DNM1: variants seen among roughly 807,000 people sequenced by gnomAD.
DNM1 encodes dynamin 1.
DNM1 carries 29 observed loss-of-function variants against 104.6 expected under a neutral mutation model. The ratio of observed to expected loss-of-function variants is 0.28; its 90% confidence interval spans 0.21 to 0.38. The LOEUF (loss-of-function observed/expected upper bound fraction) is 0.38. DNM1 is among the 10% of genes least tolerant of loss of function. DNM1 has a pLI of 1.00. For synonymous variants in DNM1, 445 were observed against 475.8 expected (o/e 0.94, Z 0.84); for missense variants, 640 against 1,189.4 (o/e 0.54, Z 6.79).
chr9:128,214,070 C>T (rs76546158), intron 1 of DNM1, among the ~76,000 whole-genome samples: 2,726 of 152,130 alleles, frequency 0.018, 80 homozygotes, highest in African/African-American at 0.063. Flanking sequence ...CCCCCCTTGC[C>T]TTCCACCTCC....
At chr9:128,237,605 T>A (rs1413775693) in intron 11 of DNM1, among the ~76,000 whole-genome samples, 1 of 152,008 alleles carries the variant, frequency 6.6e-6, no homozygotes, top group Non-Finnish European at 1.5e-5. Context: ...GGGTGCTTTC[T>A]TGTCTAGAGA....
intron 9 of DNM1, chr9:128,223,294 A>T (rs1835131869): frequency 5.8e-6 from 1 of 173,402 alleles, no homozygotes; most frequent in Admixed American, 5.8e-5. Context: ...ACAGTAGCCC[A>T]GAGTCAGTCC....
rs571899226 is a variant in DNM1, at chr9:128,230,456, AT to A, written c.1336-3554del. ...TTCTTTATTTATTTTTATTATTACT[AT>A]TTTTTTTTTTGAGATGGAGTTTCGC... On this transcript the variant is annotated intron_variant, in intron 10 of 21. Coordinates refer to ENST00000372923, the MANE Select transcript of DNM1 (RefSeq NM_004408.4). Among the ~76,000 whole-genome samples the A allele has an allele frequency of 6.5e-3, 920 of 140,894 alleles. 4 individuals carry two copies. Among genetic ancestry groups the A allele is most frequent in the African/African-American group, 0.02 (753 of 37,434 alleles). The allele number at this position is 140,894 out of a possible 152,430, so 92.4% of individuals were successfully genotyped here.
chr9:128,218,772 T>C lies in DNM1; in HGVS notation c.385+41T>C. 1 of 1,556,542 alleles carries C rather than the reference T, an allele frequency of 6.4e-7. No individual in the cohort carries two copies. The highest frequency in any genetic ancestry group is 1.9e-5 in the Admixed American group (1 of 52,638). ...CCGCCCTAACCTCTAAGAATCATTTTCTTGGCCACGCACCTCTGCGTGCCT... is the reference window on the plus strand; with the variant it reads ...CCGCCCTAACCTCTAAGAATCATTTCCTTGGCCACGCACCTCTGCGTGCCT... On this transcript the variant is annotated intron_variant, in intron 3 of 21. Transcript: ENST00000372923. The surrounding 1 kb of genome is among the most constrained non-coding windows in gnomAD (Gnocchi z 4.8).
chr9:128,208,378 C>G (rs1003049271), intron 1 of DNM1, among the ~76,000 whole-genome samples: 1 of 152,142 alleles, frequency 6.6e-6, no homozygotes, highest in African/African-American at 2.4e-5. Context: ...GCATTCTATC[C>G]CAGCATGGAC....
chr9:128,206,346 A>G (rs1235266751), intron 1 of DNM1, among the ~76,000 whole-genome samples: 1 of 152,002 alleles, frequency 6.6e-6, no homozygotes, highest in Non-Finnish European at 1.5e-5. Context: ...GGTCTATACT[A>G]TTTCTTCACC....
At chr9:128,219,287 C>A (rs770475275) in intron 4 of DNM1, 35 bp downstream of exon 4, 1 of 1,578,638 alleles carries the variant, frequency 6.3e-7, no homozygotes, top group South Asian at 1.1e-5. Flanking sequence ...GCACAAAACC[C>A]CAGGCTTGCA....
chr9:128,224,075 A>T lies in DNM1; in HGVS notation c.1197-176A>T. 2.8e-6 allele frequency: 2 copies of T among 726,792 alleles called. No individual in the cohort carries two copies. Among genetic ancestry groups the T allele is most frequent in the Non-Finnish European group, 4.2e-6 (2 of 477,934 alleles). The allele number at this position is 726,792 out of a possible 1,614,324, so 45.0% of individuals were successfully genotyped here. ...AAAAAAATAACAACAACAACAAAAA[A>T]CCCTTCATTAGAACCCCTCCCTCCC... On this transcript the variant is annotated intron_variant, in intron 9 of 21. Coordinates refer to ENST00000372923, the MANE Select transcript of DNM1 (RefSeq NM_004408.4). The surrounding 1 kb of genome is among the most constrained non-coding windows in gnomAD (Gnocchi z 4.3).
At chr9:128,226,154 T>C in intron 10 of DNM1, 1 of 1,612,824 alleles carries the variant, frequency 6.2e-7, no homozygotes, top group Non-Finnish European at 8.5e-7. Flanking sequence ...ACAGCCACCA[T>C]CAGAAAGTGT....
At position 128,247,339 on chromosome 9, in the gene DNM1, TG is replaced by T; in HGVS notation, c.1782-35del. 1 of 1,494,218 alleles carries T rather than the reference TG, an allele frequency of 6.7e-7. No homozygotes were observed. The highest frequency in any genetic ancestry group is 9.3e-7 in the Non-Finnish European group (1 of 1,080,102). The allele number at this position is 1,494,218 out of a possible 1,614,324, so 92.6% of individuals were successfully genotyped here. ...TTAACCCCCAGGGAGGGTCAGACTT[TG>T]CCCATCTGCCCTCACTGCCTGCCCT... On this transcript the variant is annotated intron_variant, in intron 16 of 21. Transcript: ENST00000372923. This position sits in a 1 kb window ranked among gnomAD's most constrained non-coding sequence, Gnocchi z 5.1.
At chr9:128,227,315 T>C (rs1835405159) in intron 10 of DNM1, among the ~76,000 whole-genome samples, 1 of 151,642 alleles carries the variant, frequency 6.6e-6, no homozygotes, top group Non-Finnish European at 1.5e-5. Context: ...CGCATTCTTT[T>C]TTACTGAGCA....
intron 1 of DNM1, chr9:128,204,236 C>CG (rs1488258501): frequency 6.6e-6 from 1 of 152,472 alleles, no homozygotes; most frequent in Non-Finnish European, 1.5e-5. Context: ...GGGGGAGGCG[C>CG]GGGCTGCAGG....
At chr9:128,251,279 G>A (rs1588461107) in intron 21 of DNM1, 2 of 484,880 alleles carry the variant, frequency 4.1e-6, no homozygotes, top group East Asian at 1.1e-4. Context: ...TCTTCTTCTT[G>A]CTGTCCTCCA....
intron 12 of DNM1, 62 bp downstream of exon 12, chr9:128,239,577 TG>T (rs2131252218): frequency 1.1e-6 from 1 of 922,930 alleles, no homozygotes; most frequent in East Asian, 2.8e-5. Context: ...CGTGTGTGTG[TG>T]TGTGTGTGTG....
Position 128,222,429 on chromosome 9 carries a change from T to C in DNM1, c.993-32T>C. ...AGGGTTCCCTTTGCTGGGCTGCTCC[T>C]GCCCCCTCAGGCCACACCACTCTCC... On this transcript the variant is annotated intron_variant, in intron 7 of 21. Transcript: ENST00000372923. This position sits in a 1 kb window ranked among gnomAD's most constrained non-coding sequence, Gnocchi z 7.8. 6.2e-7 allele frequency: 1 copy of C among 1,612,600 alleles called. No homozygotes were observed.
chr9:128,234,522 C>T (rs1835891183), intron 11 of DNM1, among the ~76,000 whole-genome samples: 1 of 152,174 alleles, frequency 6.6e-6, no homozygotes, highest in East Asian at 1.9e-4. Context: ...AGGTGGCGTG[C>T]GCCACCATGC....
At chr9:128,237,266 C>CT (rs11298166) in intron 11 of DNM1, among the ~76,000 whole-genome samples, 322 of 147,014 alleles carry the variant, frequency 2.2e-3, no homozygotes, top group African/African-American at 3.8e-3. Context: ...TATCCTTGTT[C>CT]TTTTTTTTTT....
At chr9:128,226,321 T>C (rs1588384024) in intron 10 of DNM1, 2 of 1,293,202 alleles carry the variant, frequency 1.5e-6, no homozygotes, top group East Asian at 5.1e-5. Context: ...TAACCCTGGG[T>C]ACTTGCACTC....
intron 15 of DNM1, 144 bp downstream of exon 15, chr9:128,242,489 G>A: frequency 1.7e-6 from 1 of 576,388 alleles, no homozygotes; most frequent in Non-Finnish European, 3.1e-6. Flanking sequence ...GCTGGGTGTG[G>A]TGGCTCACAC....
Sources: allele counts gnomAD v4.1 joint callset (sites outside exome capture counted in the v4.1 genomes callset), GRCh38; gene constraint gnomAD v4.1.1; non-coding constraint Gnocchi (gnomAD v3.1); transcripts MANE v1.5; gene names NCBI Gene and HGNC (gene_info 2026-07-23, HGNC 2026-07-21).